The following GRIK2 variants were observed in gnomAD, a reference collection of about 807,000 sequenced individuals.
The protein encoded by GRIK2 is glutamate ionotropic receptor kainate type subunit 2.
In GRIK2, 32 loss-of-function variants were observed where a neutral mutation model predicts 100.3. The ratio of observed to expected loss-of-function variants is 0.32; its 90% CI spans 0.24 to 0.43. GRIK2 has a LOEUF of 0.43. Among genes scored for constraint, GRIK2 ranks in the 20% least tolerant of loss-of-function variants. The pLI is 1.00. For missense variants in GRIK2, 843 were observed against 1,114.9 expected, an observed-to-expected ratio of 0.76 and a Z score of 3.47; for synonymous variants, 417 against 389.4, an observed-to-expected ratio of 1.07 and a Z score of -0.83.
chr6:101,792,485 A>C (rs1235000596), intron 7 of GRIK2, among the ~76,000 whole-genome samples: 1 of 151,766 alleles, frequency 6.6e-6, no homozygotes, highest in African/African-American at 2.4e-5. Flanking sequence ...TTGGCTGGAT[A>C]TGAAATTCTG....
chr6:101,798,120 C>A (rs1780439316), intron 7 of GRIK2, among the ~76,000 whole-genome samples: 1 of 148,732 alleles, frequency 6.7e-6, no homozygotes. Context: ...AATGCTAATT[C>A]CAGAAAGAGG....
chr6:101,868,775 A>T (rs1013382157), intron 11 of GRIK2, among the ~76,000 whole-genome samples: 1 of 151,852 alleles, frequency 6.6e-6, no homozygotes, highest in Admixed American at 6.6e-5. Context: ...AGTAAATTTG[A>T]GTAATAGAAA....
intron 2 of GRIK2, among the ~76,000 whole-genome samples, chr6:101,454,531 G>T (rs1770888170): frequency 6.6e-6 from 1 of 152,122 alleles, no homozygotes. Context: ...ATGCCCTTCA[G>T]TTAAATGCTC....
In GRIK2 at chr6:101,859,402, A is replaced by G. The variant is rs1562444483; in HGVS notation, c.1433A>G (p.Tyr478Cys). 1 of 1,605,548 alleles carries G rather than the reference A, an allele frequency of 6.2e-7. No homozygotes were observed. The highest frequency in any genetic ancestry group is 8.5e-7 in the Non-Finnish European group (1 of 1,172,310). ...TTATCTACAATCCTTGGCTTTACAT[A>G]TGAAATTAGACTTGTGGAAGATGGG... ...RELSTILGFT[Y>C]EIRLVEDGKY... Residue 478 changes from tyrosine to cysteine, a missense_variant, in exon 11 of 17, where the codon TAT becomes TGT. Coordinates refer to ENST00000369134, the MANE Select transcript of GRIK2 (RefSeq NM_021956.5).
intron 1 of GRIK2, among the ~76,000 whole-genome samples, chr6:101,394,124 T>C (rs534520187): frequency 6.4e-4 from 97 of 152,242 alleles, no homozygotes; most frequent in African/African-American, 2.2e-3. Context: ...GAAGTGGACG[T>C]GTCAGGAAGT....
intron 7 of GRIK2, among the ~76,000 whole-genome samples, chr6:101,765,189 G>A (rs578223040): frequency 6.6e-6 from 1 of 152,156 alleles, no homozygotes; most frequent in South Asian, 2.1e-4. Flanking sequence ...GCATGCTATA[G>A]CACCCTGTTC....
At chr6:101,493,806 C>G (rs553225642) in intron 2 of GRIK2, among the ~76,000 whole-genome samples, 149 of 150,824 alleles carry the variant, frequency 9.9e-4, no homozygotes, top group African/African-American at 3.5e-3. Flanking sequence ...TACTTAGCCC[C>G]TTTTACCAAA....
At chr6:101,971,969 A>C (rs1297138548) in intron 14 of GRIK2, among the ~76,000 whole-genome samples, 1 of 151,882 alleles carries the variant, frequency 6.6e-6, no homozygotes, top group East Asian at 1.9e-4. Context: ...GTATATATGC[A>C]CCATATTTTC....
intron 7 of GRIK2, among the ~76,000 whole-genome samples, chr6:101,777,905 T>G (rs932257410): frequency 5.3e-5 from 8 of 152,268 alleles, no homozygotes; most frequent in South Asian, 2.1e-4. Flanking sequence ...CTCTCCAGTC[T>G]GAGCTGCTGA....
intron 2 of GRIK2, among the ~76,000 whole-genome samples, chr6:101,515,064 C>T (rs2749056): frequency 0.096 from 14,615 of 152,062 alleles, 753 homozygotes; most frequent in Middle Eastern, 0.13. Context: ...CTCTTCCCGC[C>T]AAGTCCCCAG....
chr6:101,978,538 T>G (rs1265230630), intron 14 of GRIK2, among the ~76,000 whole-genome samples: 2 of 151,998 alleles, frequency 1.3e-5, no homozygotes, highest in Non-Finnish European at 2.9e-5. Flanking sequence ...CACTTTGTAA[T>G]CATTGTATCT....
intron 2 of GRIK2, among the ~76,000 whole-genome samples, chr6:101,513,912 AAGTT>A (rs978933591): frequency 2.6e-5 from 4 of 152,196 alleles, no homozygotes; most frequent in South Asian, 2.1e-4. Context: ...ATGAAAGTGA[AAGTT>A]AGTACAATAG....
intron 2 of GRIK2, among the ~76,000 whole-genome samples, chr6:101,413,818 A>T (rs930652084): frequency 6.6e-6 from 1 of 152,126 alleles, no homozygotes; most frequent in Non-Finnish European, 1.5e-5. Context: ...TATGATATAT[A>T]CACAACTATT....
intron 11 of GRIK2, among the ~76,000 whole-genome samples, chr6:101,875,514 T>C (rs1312119210): frequency 6.6e-6 from 1 of 151,892 alleles, no homozygotes. Context: ...ATTTTTTTTT[T>C]ACAGAAATAA....
chr6:101,540,082 C>T (rs1775911293), intron 2 of GRIK2, among the ~76,000 whole-genome samples: 1 of 151,176 alleles, frequency 6.6e-6, no homozygotes, highest in South Asian at 2.1e-4. Flanking sequence ...ATTTTTTTCA[C>T]CTGATTTTTA....
chr6:101,499,597 G>A (rs1385822771), intron 2 of GRIK2, among the ~76,000 whole-genome samples: 1 of 151,994 alleles, frequency 6.6e-6, no homozygotes. Flanking sequence ...AGAAAGTTAA[G>A]TTTCCAGAAA....
intron 14 of GRIK2, among the ~76,000 whole-genome samples, chr6:101,939,862 A>C (rs1384489312): frequency 1.3e-5 from 2 of 152,138 alleles, no homozygotes; most frequent in Non-Finnish European, 2.9e-5. Context: ...AAGTGGTGAC[A>C]ACCCAAGATG....
chr6:101,403,827 C>T (rs7773498), intron 2 of GRIK2, among the ~76,000 whole-genome samples: 1,986 of 152,236 alleles, frequency 0.013, 49 homozygotes, highest in African/African-American at 0.046. Context: ...CAGATAAAGC[C>T]TGAACACCTG....
At chr6:101,735,545 C>CAG (rs1200803858) in intron 7 of GRIK2, among the ~76,000 whole-genome samples, 1 of 151,832 alleles carries the variant, frequency 6.6e-6, no homozygotes, top group African/African-American at 2.4e-5. Context: ...TGGCAGCAGG[C>CAG]AGAGAGAGAG....
Sources: gnomAD v4.1 joint callset for allele counts (sites outside exome capture counted in the v4.1 genomes callset) on GRCh38, gnomAD v4.1.1 for gene constraint, MANE v1.5 for transcripts, NCBI Gene and HGNC (gene_info 2026-07-23, HGNC 2026-07-21) for gene names.